STK24: variants seen among roughly 807,000 people sequenced by gnomAD.
STK24 encodes the protein serine/threonine kinase 24, also known as serine/threonine-protein kinase 24.
STK24 carries 21 observed loss-of-function variants against 55.6 expected under a neutral mutation model. The ratio of observed to expected loss-of-function variants is 0.38; its 90% CI spans 0.27 to 0.54. The LOEUF (loss-of-function observed/expected upper bound fraction) is 0.54. Ranked by LOEUF, STK24 falls within the 20% of genes least tolerant of loss-of-function variation. The probability of loss-of-function intolerance (pLI) is 0.79; values close to 1 mark genes in which losing one functional copy is unlikely to be tolerated. For missense variants in STK24, 383 were observed against 538.4 expected (o/e 0.71, Z 2.86); for synonymous variants, 200 against 215.2 (o/e 0.93, Z 0.62).
In STK24 at chr13:98,494,925, C is replaced by T. The variant is rs574158942; in HGVS notation, c.274-12604G>A. ...GAGGGATGCAGAGACAGCTGCTCCT[C>T]GCCGCATCCAGCACAGAAGGAACCA... On this transcript the variant is annotated intron_variant, in intron 2 of 10. Coordinates refer to ENST00000539966, the MANE Select transcript of STK24 (RefSeq NM_001032296.4). Among the ~76,000 whole-genome samples the T allele has an allele frequency of 2.2e-4, 33 of 152,280 alleles. No individual in the cohort carries two copies. The South Asian group carries it at 3.1e-3, about 14-fold the overall frequency.
At chr13:98,465,558 G>A (rs1260925756) in intron 6 of STK24, among the ~76,000 whole-genome samples, 6 of 152,262 alleles carry the variant, frequency 3.9e-5, no homozygotes, top group Non-Finnish European at 7.3e-5. Flanking sequence ...AAACACTGGT[G>A]TGGTGGTCTC....
chr13:98,542,993 A>G, intron 1 of STK24: 1 of 985,394 alleles, frequency 1.0e-6, no homozygotes. Flanking sequence ...AGCAGAAAAC[A>G]GCAGCCAGCT....
intron 5 of STK24, among the ~76,000 whole-genome samples, chr13:98,470,776 G>T (rs1894115029): frequency 6.6e-6 from 1 of 152,118 alleles, no homozygotes; most frequent in African/African-American, 2.4e-5. Context: ...AAGTACGCTA[G>T]CTACACATCT....
intron 8 of STK24, among the ~76,000 whole-genome samples, chr13:98,460,956 G>C (rs1893677600): frequency 6.6e-6 from 1 of 151,964 alleles, no homozygotes; most frequent in South Asian, 2.1e-4. Flanking sequence ...GCTGAGGTGG[G>C]AGGATCACTT....
chr13:98,497,853 G>A (rs1895305567), intron 2 of STK24, among the ~76,000 whole-genome samples: 1 of 151,344 alleles, frequency 6.6e-6, no homozygotes, highest in Admixed American at 6.6e-5. Context: ...CAGATGCTGT[G>A]AACTGTAACA....
In STK24 at chr13:98,532,430, A is replaced by G. The variant is rs1896604676; in HGVS notation, c.43-12957T>C. 2.0e-5 allele frequency among the ~76,000 whole-genome samples: 3 copies of G among 150,672 alleles called. No individual in the cohort carries two copies. The South Asian group carries it at 6.3e-4, about 32-fold the overall frequency. On this transcript the variant is annotated intron_variant, in intron 1 of 10. Coordinates refer to ENST00000539966, the MANE Select transcript of STK24 (RefSeq NM_001032296.4). ...CAAAGACCCATCCCACACCCACCAC[A>G]CACCCATCCCACACACATCCCATCC... is the stretch of plus-strand genomic sequence containing the variant.
chr13:98,503,997 G>A lies in STK24; in HGVS notation c.273+15246C>T, dbSNP rs576387573. On this transcript the variant is annotated intron_variant, in intron 2 of 10. Transcript: ENST00000539966. ...GGCCAAACACTCTCTCCTCATTACT[G>A]TCCCAGAGGGAGATGTGAAGTCTAT... is the stretch of plus-strand genomic sequence containing the variant. Among the ~76,000 whole-genome samples, 18 of 152,286 alleles carry A rather than the reference G, an allele frequency of 1.2e-4. No individual in the cohort carries two copies. In the Middle Eastern group the frequency reaches 0.014, roughly 115 times the overall value.
intron 5 of STK24, among the ~76,000 whole-genome samples, chr13:98,473,879 T>C (rs1894262203): frequency 6.6e-6 from 1 of 152,240 alleles, no homozygotes; most frequent in Admixed American, 6.5e-5. Flanking sequence ...AGTCACCTGG[T>C]GCTTCCTGTA....
At chr13:98,520,306 A>T (rs1456184697) in intron 1 of STK24, among the ~76,000 whole-genome samples, 6 of 152,286 alleles carry the variant, frequency 3.9e-5, no homozygotes, top group Non-Finnish European at 7.4e-5. Context: ...TCTCCCCACA[A>T]ATAACTGCCC....
intron 1 of STK24, among the ~76,000 whole-genome samples, chr13:98,526,069 G>A (rs1241146963): frequency 6.6e-6 from 1 of 152,236 alleles, no homozygotes; most frequent in Non-Finnish European, 1.5e-5. Context: ...GAGGGATGGT[G>A]GCTGGAGTGC....
At chr13:98,484,002 G>A (rs747248763) in intron 2 of STK24, among the ~76,000 whole-genome samples, 1 of 152,202 alleles carries the variant, frequency 6.6e-6, no homozygotes, top group South Asian at 2.1e-4. Context: ...GTCTTGACCG[G>A]ACAAGTGCGG....
At position 98,457,246 on chromosome 13, in the gene STK24, CCTCGCAG is replaced by C. The variant is rs1180812493; in HGVS notation, c.1174_1180del (p.Leu392GlyfsTer5). ...CGCCTCCTCCGCTAGGTAGATGGCC[CCTCGCAG>C]CTCTTCAATGGACCCCAAGTTCCCT... is the stretch of plus-strand genomic sequence containing the variant. On this transcript the variant is annotated frameshift_variant, in exon 10 of 11. Transcript: ENST00000539966. LOFTEE classifies it high-confidence loss of function. 6.2e-7 allele frequency: 1 copy of C among 1,613,642 alleles called. No homozygotes were observed.
At chr13:98,552,675 G>A (rs1391751753) in intron 1 of STK24, among the ~76,000 whole-genome samples, 1 of 152,094 alleles carries the variant, frequency 6.6e-6, no homozygotes, top group Non-Finnish European at 1.5e-5. Flanking sequence ...CCAAGGGCAG[G>A]CAGCTTTCTG....
Position 98,447,007 on chromosome 13 carries a change from T to G in STK24, c.*6166A>C. On this transcript the variant is annotated 3_prime_UTR_variant, in exon 11 of 11. Transcript: ENST00000539966. ...TCATGGCAGAAAGTGGGGTCCCAAC[T>G]TCCCTGCGCCCTTACCCTGCACGGT... 2 of 592,166 alleles carry G rather than the reference T, an allele frequency of 3.4e-6. No individual in the cohort carries two copies. Among genetic ancestry groups the G allele is most frequent in the Non-Finnish European group, 3.0e-6 (1 of 335,916 alleles). 36.7% of individuals were successfully genotyped at this position (592,166 alleles called of 1,614,324 possible). A position where few individuals can be genotyped will look rare whatever the true frequency, so the allele number is the denominator to read the frequency against.
At chr13:98,547,350 C>T (rs1164846634) in intron 1 of STK24, among the ~76,000 whole-genome samples, 2 of 152,058 alleles carry the variant, frequency 1.3e-5, no homozygotes, top group Non-Finnish European at 2.9e-5. Flanking sequence ...AGTTAGAGAC[C>T]AGTCTGGGAA....
intron 2 of STK24, 99 bp from the exon 3 acceptor site, chr13:98,482,420 G>C: frequency 1.5e-6 from 1 of 667,398 alleles, no homozygotes; most frequent in Non-Finnish European, 2.6e-6. Context: ...ATTGGAACTA[G>C]AAAGTTTTAC....
In STK24 at chr13:98,452,994, T is replaced by C; in HGVS notation, c.*179A>G. On this transcript the variant is annotated 3_prime_UTR_variant, in exon 11 of 11. Coordinates refer to ENST00000539966, the MANE Select transcript of STK24 (RefSeq NM_001032296.4). ...ACCCTCCCCACCCATCTGAGAGACT[T>C]CATCTGGCTGCAGCACAGTGAAGAC... 1.8e-6 allele frequency: 1 copy of C among 551,466 alleles called. No homozygotes were observed. The highest frequency in any genetic ancestry group is 3.1e-6 in the Non-Finnish European group (1 of 318,478). 34.2% of individuals were successfully genotyped at this position (551,466 alleles called of 1,614,324 possible).
In STK24 at chr13:98,445,602, C is replaced by CT. The variant is rs112456693; in HGVS notation, c.*7570dup. The CT allele has an allele frequency of 0.033, 5,141 of 153,626 alleles. 272 individuals carry two copies. The highest frequency in any genetic ancestry group is 0.11 in the African/African-American group (4,570 of 41,540). 9.5% of individuals were successfully genotyped at this position (153,626 alleles called of 1,614,324 possible). A position where few individuals can be genotyped will look rare whatever the true frequency, so the allele number is the denominator to read the frequency against. On this transcript the variant is annotated 3_prime_UTR_variant, in exon 11 of 11. Transcript: ENST00000539966. ...CCCTCAAAACGAGTGCTGCTCTGAGCTTGTTGGGATGGATCTTTCCCTCCT... is the reference window on the plus strand; with the variant it reads ...CCCTCAAAACGAGTGCTGCTCTGAGCTTTGTTGGGATGGATCTTTCCCTCCT...
At chr13:98,474,215 A>T (rs1894275180) in intron 5 of STK24, among the ~76,000 whole-genome samples, 1 of 152,216 alleles carries the variant, frequency 6.6e-6, no homozygotes, top group Admixed American at 6.5e-5. Context: ...TCCCTAACAC[A>T]GGACAAGTAA....
Sources: gnomAD v4.1 joint callset for allele counts (sites outside exome capture counted in the v4.1 genomes callset) on GRCh38, gnomAD v4.1.1 for gene constraint, MANE v1.5 for transcripts, NCBI Gene and HGNC (gene_info 2026-07-23, HGNC 2026-07-21) for gene names.